JAKMIP1: variants seen among roughly 807,000 people sequenced by gnomAD.
JAKMIP1 encodes janus kinase and microtubule-interacting protein 1.
In JAKMIP1, 33 loss-of-function variants were observed where a neutral mutation model predicts 113.0. The ratio of observed to expected loss-of-function variants is 0.29; its 90% CI spans 0.22 to 0.39. JAKMIP1 has a LOEUF of 0.39. Ranked by LOEUF, JAKMIP1 falls within the 10% of genes least tolerant of loss-of-function variation. The pLI is 1.00. For missense variants in JAKMIP1, 813 were observed against 1,080.5 expected (o/e 0.75, Z 3.47); for synonymous variants, 480 against 459.9 (o/e 1.04, Z -0.56).
chr4:6,160,112 A>G (rs1232509416), intron 1 of JAKMIP1, among the ~76,000 whole-genome samples: 1 of 152,222 alleles, frequency 6.6e-6, no homozygotes, highest in African/African-American at 2.4e-5. Flanking sequence ...TAACGAGGAC[A>G]GGGAAAGTAA....
intron 1 of JAKMIP1, among the ~76,000 whole-genome samples, chr4:6,126,941 A>C (rs1717761162): frequency 6.6e-6 from 1 of 150,836 alleles, no homozygotes; most frequent in South Asian, 2.1e-4. Flanking sequence ...ATCATACACA[A>C]ACATACTCCC....
chr4:6,163,926 G>A (rs192360518), intron 1 of JAKMIP1, among the ~76,000 whole-genome samples: 1 of 152,208 alleles, frequency 6.6e-6, no homozygotes, highest in Non-Finnish European at 1.5e-5. Context: ...CAGAATAAAA[G>A]TCTGAAACTA....
Position 6,129,977 on chromosome 4 carries a change from C to T in JAKMIP1, c.-147-16980G>A, listed in dbSNP as rs1454163305. ...TCCATCTTGATATGTCCCAGTGAAGCCAAGTTCAGGAGAAGAGGCCTCTCT... is the reference window on the plus strand; with the variant it reads ...TCCATCTTGATATGTCCCAGTGAAGTCAAGTTCAGGAGAAGAGGCCTCTCT... On this transcript the variant is annotated intron_variant, in intron 1 of 20. Coordinates refer to ENST00000409021, the MANE Select transcript of JAKMIP1 (RefSeq NM_001099433.2). The surrounding 1 kb of genome is among the most constrained non-coding windows in gnomAD (Gnocchi z 5.4). 6.6e-6 allele frequency among the ~76,000 whole-genome samples: 1 copy of T among 152,194 alleles called. No homozygotes were observed. The highest frequency in any genetic ancestry group is 2.4e-5 in the African/African-American group (1 of 41,450).
chr4:6,166,774 C>G (rs571037391), intron 1 of JAKMIP1, among the ~76,000 whole-genome samples: 3 of 152,330 alleles, frequency 2.0e-5, no homozygotes, highest in Non-Finnish European at 4.4e-5. Context: ...CGCACTTTCG[C>G]TCAAATGGCC....
intron 1 of JAKMIP1, among the ~76,000 whole-genome samples, chr4:6,170,452 C>T (rs1358768163): frequency 2.0e-5 from 3 of 151,444 alleles, no homozygotes; most frequent in Non-Finnish European, 4.4e-5. Context: ...CCTCCATCAC[C>T]ATCACCACCA....
rs1390399622 is a variant in JAKMIP1, at chr4:6,199,740, G to C, written c.-148+513C>G. 6.6e-6 allele frequency among the ~76,000 whole-genome samples: 1 copy of C among 150,882 alleles called. No individual in the cohort carries two copies. Among genetic ancestry groups the C allele is most frequent in the African/African-American group, 2.4e-5 (1 of 41,166 alleles). ...CCTCGCCTTCGGGCCCCGCGCCGCCGGGGCGCGGCCCCCAGCTCCATCTTC... is the reference window on the plus strand; with the variant it reads ...CCTCGCCTTCGGGCCCCGCGCCGCCCGGGCGCGGCCCCCAGCTCCATCTTC... On this transcript the variant is annotated intron_variant, in intron 1 of 20. Coordinates refer to ENST00000409021, the MANE Select transcript of JAKMIP1 (RefSeq NM_001099433.2). This position sits in a 1 kb window ranked among gnomAD's most constrained non-coding sequence, Gnocchi z 5.6.
At chr4:6,026,603 C>A (rs1243679013) in intron 20 of JAKMIP1, among the ~76,000 whole-genome samples, 3 of 152,046 alleles carry the variant, frequency 2.0e-5, no homozygotes, top group Non-Finnish European at 4.4e-5. Flanking sequence ...AGAACTTGGG[C>A]AGGCCGGTAT....
intron 10 of JAKMIP1, 35 bp downstream of exon 10, chr4:6,062,277 C>A (rs749404538): frequency 2.5e-6 from 4 of 1,610,468 alleles, no homozygotes; most frequent in African/African-American, 2.7e-5. Context: ...TGGCCTTCGG[C>A]CCCTCCCTCG....
intron 1 of JAKMIP1, among the ~76,000 whole-genome samples, chr4:6,114,480 C>T (rs1309005735): frequency 6.6e-6 from 1 of 152,106 alleles, no homozygotes; most frequent in Non-Finnish European, 1.5e-5. Flanking sequence ...TCCACAACAC[C>T]AGTGCATCCA....
chr4:6,149,872 G>T (rs995517127), intron 1 of JAKMIP1, among the ~76,000 whole-genome samples: 3 of 152,048 alleles, frequency 2.0e-5, no homozygotes, highest in Non-Finnish European at 4.4e-5. Context: ...GGCTGCCCCA[G>T]TGACCTCTCC....
chr4:6,034,027 C>T (rs1256879640), intron 19 of JAKMIP1, among the ~76,000 whole-genome samples: 2 of 152,092 alleles, frequency 1.3e-5, no homozygotes, highest in Non-Finnish European at 2.9e-5. Flanking sequence ...TTCATCTCTC[C>T]CTCTGTTTAA....
chr4:6,077,489 T>A (rs1337281684), intron 8 of JAKMIP1, among the ~76,000 whole-genome samples: 1 of 145,212 alleles, frequency 6.9e-6, no homozygotes, highest in African/African-American at 2.6e-5. Context: ...TTCCTTTTTT[T>A]TTTTTTTTTT....
rs190387211 is a variant in JAKMIP1 at position 6,156,233 on chromosome 4, C to T, written c.-147-43236G>A. 2.5e-4 allele frequency among the ~76,000 whole-genome samples: 38 copies of T among 152,348 alleles called. No individual in the cohort carries two copies. The highest frequency in any genetic ancestry group is 4.9e-4 in the Non-Finnish European group (33 of 68,024). Reference sequence around the variant, plus strand: ...GCAAAGCCAGCCCTCGGAAGTGGCCCGCCAACACAGGAACAAGCGAATGCC... The same window carrying T: ...GCAAAGCCAGCCCTCGGAAGTGGCCTGCCAACACAGGAACAAGCGAATGCC... On this transcript the variant is annotated intron_variant, in intron 1 of 20. Transcript: ENST00000409021. This position sits in a 1 kb window ranked among gnomAD's most constrained non-coding sequence, Gnocchi z 5.0.
Position 6,199,273 on chromosome 4 carries a change from C to G in JAKMIP1, c.-148+980G>C, listed in dbSNP as rs938929426. On this transcript the variant is annotated intron_variant, in intron 1 of 20. Transcript: ENST00000409021. The surrounding 1 kb of genome is among the most constrained non-coding windows in gnomAD (Gnocchi z 5.6). ...AGGCTGGCGGAGAGCCGAGGCTGGC[C>G]CAGCCTTCAGGAGACCGGCGAGCTG... is the stretch of plus-strand genomic sequence containing the variant. 2.0e-5 allele frequency among the ~76,000 whole-genome samples: 3 copies of G among 152,236 alleles called. No homozygotes were observed. Among genetic ancestry groups the G allele is most frequent in the African/African-American group, 7.2e-5 (3 of 41,478 alleles).
chr4:6,092,128 A>T (rs1722136060), intron 3 of JAKMIP1, among the ~76,000 whole-genome samples: 1 of 152,170 alleles, frequency 6.6e-6, no homozygotes. Context: ...CTTCTACCCC[A>T]GCAACACCCT....
Position 6,069,446 on chromosome 4 carries a change from T to C in JAKMIP1, c.1303-4438A>G, listed in dbSNP as rs1718640314. Reference sequence around the variant, plus strand: ...ACTCGTTTCTACAGATGAATCCAGATTCAGATTAAGATTCAGTTTTGGCCG... The same window carrying C: ...ACTCGTTTCTACAGATGAATCCAGACTCAGATTAAGATTCAGTTTTGGCCG... On this transcript the variant is annotated intron_variant, in intron 8 of 20. Transcript: ENST00000409021. This position sits in a 1 kb window ranked among gnomAD's most constrained non-coding sequence, Gnocchi z 4.5. Among the ~76,000 whole-genome samples, 1 of 152,202 alleles carries C rather than the reference T, an allele frequency of 6.6e-6. No individual in the cohort carries two copies. The highest frequency in any genetic ancestry group is 2.4e-5 in the African/African-American group (1 of 41,456).
At chr4:6,066,405 C>T (rs772601871) in intron 8 of JAKMIP1, among the ~76,000 whole-genome samples, 6 of 152,178 alleles carry the variant, frequency 3.9e-5, no homozygotes, top group Non-Finnish European at 7.3e-5. Flanking sequence ...TTGCATTTGG[C>T]ACCTGTCTTT....
At chr4:6,071,031 T>C (rs1718882734) in intron 8 of JAKMIP1, among the ~76,000 whole-genome samples, 1 of 152,178 alleles carries the variant, frequency 6.6e-6, no homozygotes, top group Admixed American at 6.5e-5. Flanking sequence ...ACCAAAGCAA[T>C]ATTAAAGGGC....
At position 6,105,869 on chromosome 4, in the gene JAKMIP1, C is replaced by A; in HGVS notation, c.228G>T (p.Leu76=). 6.2e-7 allele frequency: 1 copy of A among 1,612,146 alleles called. No homozygotes were observed. ...GCAGCTCCTTGGTCTTCTCCTCATG[C>A]AGCTTGGCCTTGAGCTCCGAAATGT... ...TAYISELKAK[L]HEEKTKELQA... The change falls in exon 3 of 21, where the codon CTG becomes CTT. Residue 76 remains leucine (L), a synonymous_variant. Coordinates refer to ENST00000409021, the MANE Select transcript of JAKMIP1 (RefSeq NM_001099433.2).
Sources: gnomAD v4.1 joint callset for allele counts (sites outside exome capture counted in the v4.1 genomes callset) on GRCh38, gnomAD v4.1.1 for gene constraint, Gnocchi (gnomAD v3.1) non-coding constraint, MANE v1.5 for transcripts, NCBI Gene and HGNC (gene_info 2026-07-23, HGNC 2026-07-21) for gene names.